FILIP1L: variants seen among roughly 807,000 people sequenced by gnomAD.
The protein encoded by FILIP1L is filamin A interacting protein 1 like.
FILIP1L carries 55 observed loss-of-function variants against 96.6 expected under a neutral mutation model. The observed-to-expected ratio is 0.57, with a 90% CI of 0.46 to 0.71. The LOEUF is 0.71. Ranked by LOEUF, FILIP1L falls within the 30% of genes least tolerant of loss-of-function variation. FILIP1L has a pLI of 0.00. For missense variants in FILIP1L, 1,304 were observed against 1,321.2 expected (o/e 0.99, Z 0.20); for synonymous variants, 467 against 473.9 (o/e 0.99, Z 0.19).
intron 4 of FILIP1L, among the ~76,000 whole-genome samples, chr3:99,904,779 C>G (rs1208117870): frequency 2.0e-5 from 3 of 152,154 alleles, no homozygotes; most frequent in African/African-American, 7.2e-5. Flanking sequence ...CTCTTTTGCT[C>G]TAGAATCTTC....
chr3:99,869,230 T>TC (rs752623877), intron 4 of FILIP1L, among the ~76,000 whole-genome samples: 1 of 152,120 alleles, frequency 6.6e-6, no homozygotes, highest in Non-Finnish European at 1.5e-5. Flanking sequence ...ATGGGGAAAA[T>TC]TGGCCAGAGA....
intron 1 of FILIP1L, among the ~76,000 whole-genome samples, chr3:100,106,866 T>A (rs1306374096): frequency 6.6e-6 from 1 of 152,152 alleles, no homozygotes; most frequent in Non-Finnish European, 1.5e-5. Context: ...TGTTGCTTTT[T>A]AAAAATATGC....
At chr3:99,992,236 A>T (rs888226293) in intron 1 of FILIP1L, among the ~76,000 whole-genome samples, 1 of 152,028 alleles carries the variant, frequency 6.6e-6, no homozygotes, top group African/African-American at 2.4e-5. Flanking sequence ...GCTATTTGAG[A>T]AACCTCCACA....
chr3:99,834,607 T>C (rs941803761), intron 5 of FILIP1L, among the ~76,000 whole-genome samples: 1 of 152,244 alleles, frequency 6.6e-6, no homozygotes, highest in Admixed American at 6.5e-5. Flanking sequence ...ATTTGTTCTC[T>C]TTTTATCCAT....
In FILIP1L at chr3:99,848,981, C is replaced by T; in HGVS notation, c.2695G>A (p.Gly899Arg). ...PGDLVLSHTP[G>R]QPLHIKVTPD... ...GTAACCTTTATATGAAGTGGCTGCCCAGGTGTGTGGCTTAGGACTAGATCT... is the reference window on the plus strand; with the variant it reads ...GTAACCTTTATATGAAGTGGCTGCCTAGGTGTGTGGCTTAGGACTAGATCT... Residue 899 changes from glycine to arginine, a missense_variant, in exon 5 of 6, where the codon GGG (glycine) becomes AGG (arginine). Gly to Arg is a moderately radical substitution (Grantham distance 125). Transcript: ENST00000477258. 6.2e-7 allele frequency: 1 copy of T among 1,613,998 alleles called. No homozygotes were observed. The highest frequency in any genetic ancestry group is 8.5e-7 in the Non-Finnish European group (1 of 1,179,978).
In FILIP1L at chr3:99,849,266, C is replaced by T; in HGVS notation, c.2410G>A (p.Ala804Thr). The change falls in exon 5 of 6, where the codon GCA (alanine) becomes ACA (threonine). Residue 804 changes from alanine (A) to threonine (T), a missense_variant. Ala to Thr is a moderately conservative substitution (Grantham distance 58). Coordinates refer to ENST00000477258, the MANE Select transcript of FILIP1L (RefSeq NM_001387850.1). ...QVFSKEVQTE[A>T]VDNEPPDYKS... ...TAATCAGGTGGTTCATTGTCTACTG[C>T]TTCTGTCTGAACTTCTTTAGAAAAT... The T allele has an allele frequency of 6.2e-7, 1 of 1,614,168 alleles. No individual in the cohort carries two copies. The highest frequency in any genetic ancestry group is 8.5e-7 in the Non-Finnish European group (1 of 1,180,018).
intron 1 of FILIP1L, among the ~76,000 whole-genome samples, chr3:100,004,228 TC>T: frequency 6.6e-6 from 1 of 152,198 alleles, no homozygotes; most frequent in East Asian, 1.9e-4. Flanking sequence ...AAATGCAGCT[TC>T]CGTAGGATGA....
At chr3:100,095,842 A>G (rs916187299) in intron 1 of FILIP1L, among the ~76,000 whole-genome samples, 22 of 152,206 alleles carry the variant, frequency 1.4e-4, no homozygotes, top group African/African-American at 5.3e-4. Flanking sequence ...AAACCCACAG[A>G]ACGGGAGAAA....
At chr3:99,936,173 A>G (rs746357173) in intron 1 of FILIP1L, among the ~76,000 whole-genome samples, 1 of 152,116 alleles carries the variant, frequency 6.6e-6, no homozygotes, top group Non-Finnish European at 1.5e-5. Flanking sequence ...GCCTCAAAAA[A>G]GAAATCATTT....
intron 1 of FILIP1L, among the ~76,000 whole-genome samples, chr3:100,049,644 C>CCTGAGACAGCAAGAGCAACCCTT (rs1346187659): frequency 6.6e-6 from 1 of 152,174 alleles, no homozygotes; most frequent in African/African-American, 2.4e-5. Flanking sequence ...TTCTGCCATT[C>CCTGAGACAGCAAGAGCAACCCTT]CTGAGACAGC....
intron 1 of FILIP1L, among the ~76,000 whole-genome samples, chr3:99,968,788 C>T (rs941203816): frequency 2.0e-5 from 3 of 152,120 alleles, no homozygotes; most frequent in Non-Finnish European, 4.4e-5. Flanking sequence ...ACTGGTGTCT[C>T]ATCAGAGAAG....
At chr3:99,903,191 A>G (rs559861746) in intron 4 of FILIP1L, among the ~76,000 whole-genome samples, 4 of 152,180 alleles carry the variant, frequency 2.6e-5, no homozygotes, top group South Asian at 4.1e-4. Flanking sequence ...AGCACTTAAA[A>G]CAGTAGCTGG....
chr3:99,995,274 G>A (rs1025080873), intron 1 of FILIP1L, among the ~76,000 whole-genome samples: 2 of 152,162 alleles, frequency 1.3e-5, no homozygotes, highest in South Asian at 2.1e-4. Flanking sequence ...AAATTCAGTG[G>A]GGCAGTCAAA....
chr3:100,109,768 A>C (rs572690761), intron 1 of FILIP1L, among the ~76,000 whole-genome samples: 100 of 152,212 alleles, frequency 6.6e-4, no homozygotes, highest in African/African-American at 2.3e-3. Context: ...AGCCACTGTA[A>C]ATATTGTTAC....
At chr3:100,021,958 T>TGA (rs1466622023) in intron 1 of FILIP1L, among the ~76,000 whole-genome samples, 146 of 94,916 alleles carry the variant, frequency 1.5e-3, no homozygotes, top group African/African-American at 3.3e-3. Flanking sequence ...TGTGTGTGTG[T>TGA]GTGAGAGAGA....
intron 4 of FILIP1L, among the ~76,000 whole-genome samples, chr3:99,911,403 C>T (rs531908134): frequency 1.3e-5 from 2 of 151,652 alleles, no homozygotes; most frequent in African/African-American, 4.8e-5. Context: ...TCTAGACACA[C>T]TTAACACAAG....
chr3:100,095,074 C>G (rs1358988843), intron 1 of FILIP1L, among the ~76,000 whole-genome samples: 2 of 152,182 alleles, frequency 1.3e-5, no homozygotes, highest in East Asian at 3.8e-4. Flanking sequence ...CACAGATTCT[C>G]TGTTCTTTTT....
chr3:99,879,759 A>G (rs1559673626), intron 4 of FILIP1L, among the ~76,000 whole-genome samples: 1 of 152,170 alleles, frequency 6.6e-6, no homozygotes, highest in Non-Finnish European at 1.5e-5. Context: ...TGCCTCTGTG[A>G]GATAGTATAT....
intron 1 of FILIP1L, among the ~76,000 whole-genome samples, chr3:99,978,750 C>G (rs1331792763): frequency 1.3e-5 from 2 of 152,006 alleles, no homozygotes; most frequent in African/African-American, 2.4e-5. Flanking sequence ...GAAAAATTAA[C>G]CAGGCAGGAC....
Sources: gnomAD v4.1 joint callset for allele counts (sites outside exome capture counted in the v4.1 genomes callset) on GRCh38, gnomAD v4.1.1 for gene constraint, MANE v1.5 for transcripts, NCBI Gene and HGNC (gene_info 2026-07-23, HGNC 2026-07-21) for gene names.